Variants in MPHOSPH6 observed in about 807,000 individuals in gnomAD.
The protein encoded by MPHOSPH6 is M-phase phosphoprotein 6.
MPHOSPH6 carries 25 observed loss-of-function variants against 21.8 expected under a neutral mutation model. The observed-to-expected ratio is 1.15, with a 90% confidence interval of 0.83 to 1.60. The LOEUF is 1.60. Among genes scored for constraint, MPHOSPH6 ranks in the 40% most tolerant of loss-of-function variants. MPHOSPH6 has a pLI of 0.00. For synonymous variants in MPHOSPH6, 84 were observed against 56.5 expected (o/e 1.49, Z -2.18); for missense variants, 269 against 181.8 (o/e 1.48, Z -2.76).
At chr16:82,154,154 G>A (rs1275544693) in intron 2 of MPHOSPH6, among the ~76,000 whole-genome samples, 9 of 152,200 alleles carry the variant, frequency 5.9e-5, no homozygotes, top group Admixed American at 2.0e-4. Flanking sequence ...GCAATTGCAT[G>A]TTGAAGAAAT....
chr16:82,152,128 C>T (rs1294235160), intron 2 of MPHOSPH6, among the ~76,000 whole-genome samples: 6 of 152,188 alleles, frequency 3.9e-5, no homozygotes, highest in Non-Finnish European at 5.9e-5. Flanking sequence ...TGAATATTTC[C>T]TTCCAGTCTT....
chr16:82,159,958 C>G (rs1291635221), intron 2 of MPHOSPH6, among the ~76,000 whole-genome samples: 5 of 152,140 alleles, frequency 3.3e-5, no homozygotes, highest in African/African-American at 1.2e-4. Flanking sequence ...ATGAGACCTC[C>G]TCAATTCCAA....
At chr16:82,161,220 T>A (rs1388201115) in intron 2 of MPHOSPH6, among the ~76,000 whole-genome samples, 1 of 152,182 alleles carries the variant, frequency 6.6e-6, no homozygotes, top group African/African-American at 2.4e-5. Flanking sequence ...CTGTCTTTTG[T>A]TACAGGGACC....
At chr16:82,149,581 G>A (rs1290257426) in intron 3 of MPHOSPH6, among the ~76,000 whole-genome samples, 178 bp from the exon 4 acceptor site, 2 of 152,166 alleles carry the variant, frequency 1.3e-5, no homozygotes, top group Non-Finnish European at 2.9e-5. Context: ...TAAGCTCTGA[G>A]TCAAAAAAAT....
chr16:82,160,125 G>C (rs182403201), intron 2 of MPHOSPH6, among the ~76,000 whole-genome samples: 1 of 152,020 alleles, frequency 6.6e-6, no homozygotes, highest in Non-Finnish European at 1.5e-5. Context: ...CATTGACACC[G>C]TATCTTTAAT....
intron 2 of MPHOSPH6, 145 bp downstream of exon 2, chr16:82,163,937 A>T: frequency 1.7e-6 from 1 of 587,696 alleles, no homozygotes; most frequent in Non-Finnish European, 3.0e-6. Flanking sequence ...TATAGGTTTA[A>T]TATTTTTTAG....
chr16:82,168,328 A>C (rs919757056), intron 1 of MPHOSPH6, among the ~76,000 whole-genome samples: 7 of 152,208 alleles, frequency 4.6e-5, no homozygotes, highest in Non-Finnish European at 1.0e-4. Context: ...GTAAAGATTC[A>C]AATTTTGCTA....
rs112460074 is a variant in MPHOSPH6, at chr16:82,154,033, G to A, written c.165-2519C>T. 1.5e-3 allele frequency among the ~76,000 whole-genome samples: 221 copies of A among 152,110 alleles called. 3 individuals are homozygous for A. The highest frequency in any genetic ancestry group is 5.1e-3 in the African/African-American group (211 of 41,472). On this transcript the variant is annotated intron_variant, in intron 2 of 4. Coordinates refer to ENST00000258169, the MANE Select transcript of MPHOSPH6 (RefSeq NM_005792.2). ...TGTAATTTACTCATATACCAGCAAG[G>A]TAAATTTTGCCACATAAGGTAACAC...
intron 2 of MPHOSPH6, among the ~76,000 whole-genome samples, chr16:82,154,331 C>T (rs1004382456): frequency 5.3e-5 from 8 of 152,224 alleles, no homozygotes; most frequent in Admixed American, 3.3e-4. Flanking sequence ...GCATGTAAGT[C>T]AACTGCCTAA....
intron 2 of MPHOSPH6, among the ~76,000 whole-genome samples, chr16:82,154,786 T>C (rs1047796843): frequency 6.6e-6 from 1 of 152,190 alleles, no homozygotes; most frequent in Non-Finnish European, 1.5e-5. Context: ...CAGATCCAGA[T>C]GGCTTCACTG....
chr16:82,163,284 C>T (rs12598637), intron 2 of MPHOSPH6, among the ~76,000 whole-genome samples: 72,169 of 152,150 alleles, frequency 0.47, 19,647 homozygotes, highest in Non-Finnish European at 0.62. Context: ...AACTACCATA[C>T]AACAGAGCTT....
At chr16:82,160,676 G>T (rs900707648) in intron 2 of MPHOSPH6, among the ~76,000 whole-genome samples, 2 of 152,164 alleles carry the variant, frequency 1.3e-5, no homozygotes, top group African/African-American at 4.8e-5. Flanking sequence ...TGGGTGCACA[G>T]CATCCACCTG....
At chr16:82,163,927 T>C (rs376424870) in intron 2 of MPHOSPH6, 155 bp downstream of exon 2, 4 of 575,238 alleles carry the variant, frequency 7.0e-6, no homozygotes, top group Non-Finnish European at 1.2e-5. Flanking sequence ...GTACAACTTC[T>C]ATAGGTTTAA....
chr16:82,169,176 T>C (rs1421805370), intron 1 of MPHOSPH6, among the ~76,000 whole-genome samples: 1 of 152,204 alleles, frequency 6.6e-6, no homozygotes, highest in Non-Finnish European at 1.5e-5. Context: ...GCTCACAAAA[T>C]AAAGGAAAAT....
At chr16:82,163,392 A>G (rs1938160152) in intron 2 of MPHOSPH6, among the ~76,000 whole-genome samples, 1 of 152,210 alleles carries the variant, frequency 6.6e-6, no homozygotes, top group Admixed American at 6.5e-5. Context: ...CCTTCATTCA[A>G]AATTGTTGAT....
rs1906147377 is a variant in MPHOSPH6, at chr16:82,148,327, C to T, written c.*404G>A. 6.5e-6 allele frequency: 1 copy of T among 154,446 alleles called. No individual in the cohort carries two copies. The highest frequency in any genetic ancestry group is 1.9e-4 in the East Asian group (1 of 5,258). 9.6% of individuals were successfully genotyped at this position (154,446 alleles called of 1,614,324 possible). A position where few individuals can be genotyped will look rare whatever the true frequency, so the allele number is the denominator to read the frequency against. ...AAATTTATATAATAAATTCTTATGA[C>T]ATTTGATTCCAAATTGTATGTACGA... is the stretch of plus-strand genomic sequence containing the variant. On this transcript the variant is annotated 3_prime_UTR_variant, in exon 5 of 5. Transcript: ENST00000258169.
chr16:82,150,756 C>CA (rs1470674036), intron 3 of MPHOSPH6, among the ~76,000 whole-genome samples: 1 of 152,212 alleles, frequency 6.6e-6, no homozygotes, highest in African/African-American at 2.4e-5. Flanking sequence ...CAAATGTTAA[C>CA]ACTGCCAAGG....
Position 82,149,389 on chromosome 16 carries a change from C to T in MPHOSPH6, c.270G>A (p.Gln90=), listed in dbSNP as rs1049941643. 1.2e-6 allele frequency: 2 copies of T among 1,612,182 alleles called. No individual in the cohort carries two copies. Among genetic ancestry groups the T allele is most frequent in the African/African-American group, 1.3e-5 (1 of 74,942 alleles). ...FNPEVEKLML[Q]MNAKHKAEEV... ...CTTCTGCTTTGTGCTTAGCATTCAT[C>T]TGAAGCATCAATTTCTGAAAAATAC... is the stretch of plus-strand genomic sequence containing the variant. Residue 90 remains glutamine (Q), a synonymous_variant, in exon 4 of 5, where the codon CAG becomes CAA. Transcript: ENST00000258169.
chr16:82,152,709 T>G (rs190519866), intron 2 of MPHOSPH6, among the ~76,000 whole-genome samples: 1 of 152,134 alleles, frequency 6.6e-6, no homozygotes. Context: ...TTGGGGCAGG[T>G]TGCGTTCCCT....
Sources: gnomAD v4.1 joint callset for allele counts (sites outside exome capture counted in the v4.1 genomes callset) on GRCh38, gnomAD v4.1.1 for gene constraint, MANE v1.5 for transcripts, NCBI Gene and HGNC (gene_info 2026-07-23, HGNC 2026-07-21) for gene names.